Variants in MFSD6 observed in about 807,000 individuals in gnomAD.
MFSD6 encodes major facilitator superfamily domain containing 6.
In MFSD6, 26 loss-of-function variants were observed where a neutral mutation model predicts 56.3. The observed-to-expected ratio is 0.46, with a 90% CI of 0.34 to 0.64. MFSD6 has a LOEUF of 0.64. Among genes scored for constraint, MFSD6 ranks in the 30% least tolerant of loss-of-function variants. The probability of loss-of-function intolerance (pLI) is 0.01; values close to 1 mark genes in which losing one functional copy is unlikely to be tolerated. For synonymous variants in MFSD6, 331 were observed against 366.9 expected (o/e 0.90, Z 1.12); for missense variants, 750 against 986.2 (o/e 0.76, Z 3.21).
At chr2:190,420,671 T>C (rs1685575641) in intron 2 of MFSD6, among the ~76,000 whole-genome samples, 1 of 152,230 alleles carries the variant, frequency 6.6e-6, no homozygotes, top group African/African-American at 2.4e-5. Context: ...AAAGATGCCC[T>C]ACATTGGGAT....
intron 3 of MFSD6, among the ~76,000 whole-genome samples, chr2:190,448,657 T>C (rs1272563504): frequency 6.6e-6 from 1 of 152,162 alleles, no homozygotes; most frequent in Non-Finnish European, 1.5e-5. Context: ...TATAAAGACA[T>C]TTAAATTTGT....
chr2:190,489,881 T>C lies in MFSD6; in HGVS notation c.1891+15T>C. 1 of 1,608,594 alleles carries C rather than the reference T, an allele frequency of 6.2e-7. No homozygotes were observed. Among genetic ancestry groups the C allele is most frequent in the South Asian group, 1.1e-5 (1 of 90,482 alleles). On this transcript the variant is annotated intron_variant, in intron 6 of 7. Coordinates refer to ENST00000392328, the MANE Select transcript of MFSD6 (RefSeq NM_017694.4). This position sits in a 1 kb window ranked among gnomAD's most constrained non-coding sequence, Gnocchi z 6.6. ...TGAGGAAGAAGGTAATTATTTCCATTCTTTCTTAATATTCCTAACAGTTCA... is the reference window on the plus strand; with the variant it reads ...TGAGGAAGAAGGTAATTATTTCCATCCTTTCTTAATATTCCTAACAGTTCA...
chr2:190,417,457 C>A lies in MFSD6; in HGVS notation c.-54+2044C>A, dbSNP rs562084682. Among the ~76,000 whole-genome samples, 19 of 152,242 alleles carry A rather than the reference C, an allele frequency of 1.2e-4. No individual in the cohort carries two copies. Among genetic ancestry groups the A allele is most frequent in the East Asian group, 1.2e-3 (6 of 5,182 alleles). The stretch of plus-strand genomic sequence containing the variant: ...GCATAAGGTGTTGTGATTGTGTGTG[C>A]CCCCGTCTTCTTCTCGCCTCTGGGT... On this transcript the variant is annotated intron_variant, in intron 2 of 7. Transcript: ENST00000392328. This position sits in a 1 kb window ranked among gnomAD's most constrained non-coding sequence, Gnocchi z 5.7.
Position 190,410,800 on chromosome 2 carries a change from G to A in MFSD6, c.-176+2297G>A, listed in dbSNP as rs531419468. ...TGGCTGGGCAAGGTGGCTCATGCCT[G>A]TAATCCCAGCACTTTGGGAGGCCGA... On this transcript the variant is annotated intron_variant, in intron 1 of 7. Transcript: ENST00000392328. This position sits in a 1 kb window ranked among gnomAD's most constrained non-coding sequence, Gnocchi z 4.4. 6.6e-6 allele frequency among the ~76,000 whole-genome samples: 1 copy of A among 152,258 alleles called. No homozygotes were observed. The highest frequency in any genetic ancestry group is 1.9e-4 in the East Asian group (1 of 5,168).
Position 190,454,411 on chromosome 2 carries a change from G to A in MFSD6, c.1533-15347G>A, listed in dbSNP as rs1007889944. ...CCAATGTGATGCTATTTAGAGATGGGATCTTTGGGAGGTAATGAAGTTTAG... is the reference window on the plus strand; with the variant it reads ...CCAATGTGATGCTATTTAGAGATGGAATCTTTGGGAGGTAATGAAGTTTAG... On this transcript the variant is annotated intron_variant, in intron 3 of 7. Transcript: ENST00000392328. This position sits in a 1 kb window ranked among gnomAD's most constrained non-coding sequence, Gnocchi z 4.6. The A allele has an allele frequency of 2.6e-5, 4 of 152,188 alleles. No homozygotes were observed. Among genetic ancestry groups the A allele is most frequent in the Non-Finnish European group, 5.9e-5 (4 of 68,072 alleles). 9.4% of individuals were successfully genotyped at this position (152,188 alleles called of 1,614,324 possible). A position where few individuals can be genotyped will look rare whatever the true frequency, so the allele number is the denominator to read the frequency against.
At position 190,412,370 on chromosome 2, in the gene MFSD6, G is replaced by A; in HGVS notation, c.-175-2922G>A. ...GGTATTATCCAACATTTCATTTTGG[G>A]TTCTAATTATGTTTTAGGCAGAAGG... is the stretch of plus-strand genomic sequence containing the variant. On this transcript the variant is annotated intron_variant, in intron 1 of 7. Transcript: ENST00000392328. The surrounding 1 kb of genome is among the most constrained non-coding windows in gnomAD (Gnocchi z 4.1). The A allele has an allele frequency of 1.0e-6, 1 of 984,394 alleles. No individual in the cohort carries two copies. Among genetic ancestry groups the A allele is most frequent in the Non-Finnish European group, 1.2e-6 (1 of 829,046 alleles). 61.0% of individuals were successfully genotyped at this position (984,394 alleles called of 1,614,324 possible).
At chr2:190,420,849 G>A (rs1229056699) in intron 2 of MFSD6, among the ~76,000 whole-genome samples, 1 of 152,004 alleles carries the variant, frequency 6.6e-6, no homozygotes, top group Non-Finnish European at 1.5e-5. Context: ...AATGACCTGA[G>A]TTTAACAGTT....
chr2:190,466,794 T>C (rs946984695), intron 3 of MFSD6, among the ~76,000 whole-genome samples: 5 of 152,128 alleles, frequency 3.3e-5, no homozygotes, highest in Non-Finnish European at 7.4e-5. Flanking sequence ...ATTGTGAAAG[T>C]AGAAATGTGG....
chr2:190,421,155 G>A (rs1225636967), intron 2 of MFSD6, among the ~76,000 whole-genome samples: 1 of 152,166 alleles, frequency 6.6e-6, no homozygotes, highest in East Asian at 1.9e-4. Context: ...ATTAGCATAT[G>A]GGCATCAGTT....
chr2:190,493,713 A>G (rs1024334367), intron 6 of MFSD6, among the ~76,000 whole-genome samples: 35 of 152,228 alleles, frequency 2.3e-4, no homozygotes, highest in African/African-American at 8.4e-4. Flanking sequence ...ATCAACTCCA[A>G]AAGGAACCTT....
Position 190,428,558 on chromosome 2 carries a change from T to A in MFSD6, c.-53-7419T>A, listed in dbSNP as rs56115191. ...AAATTTTAGAATATTTGTTTTATAC[T>A]TACCTGTTCAGCCTTCTAAATCCAA... On this transcript the variant is annotated intron_variant, in intron 2 of 7. Coordinates refer to ENST00000392328, the MANE Select transcript of MFSD6 (RefSeq NM_017694.4). 4.5e-3 allele frequency among the ~76,000 whole-genome samples: 678 copies of A among 152,308 alleles called. 11 individuals are homozygous for A. Among genetic ancestry groups the A allele is most frequent in the African/African-American group, 0.015 (644 of 41,572 alleles).
Position 190,451,568 on chromosome 2 carries a change from AG to A in MFSD6, c.1532+14010del, listed in dbSNP as rs2125088957. Among the ~76,000 whole-genome samples the A allele has an allele frequency of 6.6e-6, 1 of 152,360 alleles. No homozygotes were observed. Among genetic ancestry groups the A allele is most frequent in the East Asian group, 1.9e-4 (1 of 5,194 alleles). On this transcript the variant is annotated intron_variant, in intron 3 of 7. Transcript: ENST00000392328. The surrounding 1 kb of genome is among the most constrained non-coding windows in gnomAD (Gnocchi z 5.0). Reference sequence around the variant, plus strand: ...TACTTCTGATAATGATGGGTGATTTAGGGCAAAAGTAAGACAGAGTGAAGGG... The same window carrying A: ...TACTTCTGATAATGATGGGTGATTTAGGCAAAAGTAAGACAGAGTGAAGGG...
chr2:190,497,812 A>G lies in MFSD6; in HGVS notation c.2172+93A>G. ...AATTACTCACTTTTCATTCAACAAG[A>G]TTTATTGAAAGTCTGGTGGGGGAAA... On this transcript the variant is annotated intron_variant, in intron 7 of 7. Transcript: ENST00000392328. The surrounding 1 kb of genome is among the most constrained non-coding windows in gnomAD (Gnocchi z 5.2). The G allele has an allele frequency of 7.1e-7, 1 of 1,399,306 alleles. No homozygotes were observed. The allele number at this position is 1,399,306 out of a possible 1,614,324, so 86.7% of individuals were successfully genotyped here.
rs1479973133 is a variant in MFSD6, at chr2:190,490,295, G to A, written c.1891+429G>A. 6.6e-6 allele frequency among the ~76,000 whole-genome samples: 1 copy of A among 151,808 alleles called. No individual in the cohort carries two copies. The highest frequency in any genetic ancestry group is 2.4e-5 in the African/African-American group (1 of 41,328). On this transcript the variant is annotated intron_variant, in intron 6 of 7. Transcript: ENST00000392328. The surrounding 1 kb of genome is among the most constrained non-coding windows in gnomAD (Gnocchi z 4.5). ...AAAAAAAACAATGGCCGGGTGCAGT[G>A]GCTCACGCCTGTAATCCCAACACTT...
chr2:190,420,262 CTG>C (rs1685562714), intron 2 of MFSD6, among the ~76,000 whole-genome samples: 1 of 151,866 alleles, frequency 6.6e-6, no homozygotes, highest in African/African-American at 2.4e-5. Flanking sequence ...GTTCTGGAGA[CTG>C]AGAAATCCAA....
chr2:190,407,865 G>A (rs955566716), upstream of MFSD6, among the ~76,000 whole-genome samples: 6 of 152,170 alleles, frequency 3.9e-5, no homozygotes, highest in Non-Finnish European at 4.4e-5. The surrounding 1 kb of genome is among the most constrained non-coding windows in gnomAD (Gnocchi z 5.4). Context: ...CATTGTGTGT[G>A]CCACTTAAAA....
Position 190,463,766 on chromosome 2 carries a change from G to C in MFSD6, c.1533-5992G>C. The C allele has an allele frequency of 1.8e-6, 1 of 540,614 alleles. No individual in the cohort carries two copies. The highest frequency in any genetic ancestry group is 2.4e-6 in the Non-Finnish European group (1 of 423,514). The allele number at this position is 540,614 out of a possible 1,614,324, so 33.5% of individuals were successfully genotyped here. Reference sequence around the variant, plus strand: ...GCTCTGGTGGTCAAGGCTGCATTGAGCTGTGATGACGCTACTGCACTCCAG... The same window carrying C: ...GCTCTGGTGGTCAAGGCTGCATTGACCTGTGATGACGCTACTGCACTCCAG... On this transcript the variant is annotated intron_variant, in intron 3 of 7. Coordinates refer to ENST00000392328, the MANE Select transcript of MFSD6 (RefSeq NM_017694.4). This position sits in a 1 kb window ranked among gnomAD's most constrained non-coding sequence, Gnocchi z 4.4.
chr2:190,443,925 G>T lies in MFSD6; in HGVS notation c.1532+6364G>T, dbSNP rs938800085. On this transcript the variant is annotated intron_variant, in intron 3 of 7. Transcript: ENST00000392328. The surrounding 1 kb of genome is among the most constrained non-coding windows in gnomAD (Gnocchi z 4.2). ...ACATTAGCTGGGCATGGTGTCACAC[G>T]CCTGTAGTCCCAGTTACTTGGGAGC... 6.6e-6 allele frequency among the ~76,000 whole-genome samples: 1 copy of T among 152,092 alleles called. No homozygotes were observed. Among genetic ancestry groups the T allele is most frequent in the Non-Finnish European group, 1.5e-5 (1 of 68,014 alleles).
intron 4 of MFSD6, among the ~76,000 whole-genome samples, chr2:190,484,920 T>A (rs1442948073): frequency 1.3e-5 from 2 of 152,182 alleles, no homozygotes. Flanking sequence ...TCAGAAATTT[T>A]GTTTTTGTGC....
Sources: allele counts gnomAD v4.1 joint callset (sites outside exome capture counted in the v4.1 genomes callset), GRCh38; gene constraint gnomAD v4.1.1; non-coding constraint Gnocchi (gnomAD v3.1); transcripts MANE v1.5; gene names NCBI Gene and HGNC (gene_info 2026-07-23, HGNC 2026-07-21).